ZNF83: variants seen among roughly 807,000 people sequenced by gnomAD.
ZNF83 encodes the protein zinc finger protein 83, also known as zinc finger protein 816B.
For missense variants in ZNF83, 552 were observed against 629.9 expected, an observed-to-expected ratio of 0.88 and a Z score of 1.32; for synonymous variants, 209 against 213.0, an observed-to-expected ratio of 0.98 and a Z score of 0.17.
chr19:52,670,478 G>A (rs1012009348), intron 1 of ZNF83, among the ~76,000 whole-genome samples: 3 of 151,990 alleles, frequency 2.0e-5, no homozygotes, highest in Non-Finnish European at 4.4e-5. Flanking sequence ...TAAGTAAATT[G>A]CCTTTCTGAG....
At chr19:52,618,999 G>C in intron 2 of ZNF83, 11 of 1,592,602 alleles carry the variant, frequency 6.9e-6, no homozygotes, top group Non-Finnish European at 8.6e-6. Flanking sequence ...CTCTGAGCAG[G>C]GTCCAGGCAT....
In ZNF83 at chr19:52,663,323, C is replaced by T. The variant is rs12608657; in HGVS notation, c.-282-2480G>A. Among the ~76,000 whole-genome samples, 250 of 152,096 alleles carry T rather than the reference C, an allele frequency of 1.6e-3. 8 individuals are homozygous for T. The East Asian group carries it at 0.047, about 28-fold the overall frequency. On this transcript the variant is annotated intron_variant, in intron 1 of 5. Transcript: ENST00000594682. The stretch of plus-strand genomic sequence containing the variant: ...TTCAAAATACACACAATTGTGAACC[C>T]CTAGCTATAGGTATTTAAAACACTG...
At chr19:52,625,685 C>T (rs1248900121) in intron 2 of ZNF83, among the ~76,000 whole-genome samples, 1 of 152,180 alleles carries the variant, frequency 6.6e-6, no homozygotes, top group Admixed American at 6.5e-5. Flanking sequence ...TCACTCCATC[C>T]TTGGCTACCT....
In ZNF83 at chr19:52,652,725, G is replaced by A. The variant is rs933423313; in HGVS notation, c.-74+2836C>T. On this transcript the variant is annotated intron_variant, in intron 3 of 5. Transcript: ENST00000594682. ...GGACTTTGTGAGAATCATTACATTTGTAAAGTTTCCCTATACCATGGATTG... is the reference window on the plus strand; with the variant it reads ...GGACTTTGTGAGAATCATTACATTTATAAAGTTTCCCTATACCATGGATTG... 58 of 700,278 alleles carry A rather than the reference G, an allele frequency of 8.3e-5. No homozygotes were observed. The African/African-American group carries it at 9.4e-4, about 11-fold the overall frequency. 43.4% of individuals were successfully genotyped at this position (700,278 alleles called of 1,614,324 possible).
intron 1 of ZNF83, among the ~76,000 whole-genome samples, chr19:52,687,515 ATAAATTT>A (rs2062048311): frequency 1.4e-5 from 1 of 71,640 alleles, no homozygotes; most frequent in East Asian, 2.9e-4. Flanking sequence ...TAAATTATAT[ATAAATTT>A]TATATATAAA....
Position 52,650,172 on chromosome 19 carries a change from A to G in ZNF83, c.-74+5389T>C, listed in dbSNP as rs987353874. 2.0e-5 allele frequency among the ~76,000 whole-genome samples: 3 copies of G among 152,156 alleles called. No homozygotes were observed. In the East Asian group the frequency reaches 5.8e-4, roughly 29 times the overall value. ...AGGAATTTAAAGAATAAGGAAGTCA[A>G]GGGCTCTGTCTTTTCTATCTCCAGT... On this transcript the variant is annotated intron_variant, in intron 3 of 5. Coordinates refer to the ZNF83 transcript ENST00000594682.
At chr19:52,666,742 C>A (rs2061659280) in intron 1 of ZNF83, among the ~76,000 whole-genome samples, 1 of 151,882 alleles carries the variant, frequency 6.6e-6, no homozygotes, top group African/African-American at 2.4e-5. Context: ...ATTAACCCAG[C>A]AGGTTTTCTA....
At chr19:52,663,246 G>A (rs1191921916) in intron 1 of ZNF83, among the ~76,000 whole-genome samples, 1 of 152,142 alleles carries the variant, frequency 6.6e-6, no homozygotes, top group Non-Finnish European at 1.5e-5. Context: ...AGGTCCTGAT[G>A]GCATGAATCC....
chr19:52,658,100 C>T (rs1159713806), intron 2 of ZNF83, among the ~76,000 whole-genome samples: 1 of 149,010 alleles, frequency 6.7e-6, no homozygotes, highest in East Asian at 2.0e-4. Context: ...CATGCCATTG[C>T]ACTCCACCCT....
intron 1 of ZNF83, among the ~76,000 whole-genome samples, chr19:52,676,137 C>T (rs570639138): frequency 0.01 from 1,585 of 152,316 alleles, 28 homozygotes; most frequent in African/African-American, 0.034. Flanking sequence ...CGCGCCGCCA[C>T]GCCTGACTGG....
At chr19:52,663,041 T>TG (rs1278151970) in intron 1 of ZNF83, among the ~76,000 whole-genome samples, 18 of 152,046 alleles carry the variant, frequency 1.2e-4, no homozygotes, top group African/African-American at 4.4e-4. Context: ...TGTGCATCTG[T>TG]GGTCCCAGCT....
intron 2 of ZNF83, among the ~76,000 whole-genome samples, chr19:52,620,234 GTATA>G (rs1409455675): frequency 9.1e-6 from 1 of 109,464 alleles, no homozygotes; most frequent in Non-Finnish European, 2.2e-5. Flanking sequence ...ATGTGTATAT[GTATA>G]TATGTGTGTG....
chr19:52,627,354 A>C (rs2060781878), intron 2 of ZNF83, among the ~76,000 whole-genome samples: 1 of 145,058 alleles, frequency 6.9e-6, no homozygotes, highest in African/African-American at 2.6e-5. Flanking sequence ...GAGGAAGGAG[A>C]GGCATAAAAA....
chr19:52,683,262 G>GTGTGTC (rs2061955306), intron 1 of ZNF83, among the ~76,000 whole-genome samples: 2 of 86,326 alleles, frequency 2.3e-5, no homozygotes, highest in Admixed American at 2.1e-4. Context: ...GTGTGTGTGT[G>GTGTGTC]TGTGTGTGTG....
At chr19:52,682,740 C>A (rs934056091) in intron 1 of ZNF83, among the ~76,000 whole-genome samples, 1 of 152,100 alleles carries the variant, frequency 6.6e-6, no homozygotes, top group Non-Finnish European at 1.5e-5. Flanking sequence ...TGTGGTGACA[C>A]ATGCCTATCC....
intron 1 of ZNF83, among the ~76,000 whole-genome samples, chr19:52,672,245 A>C (rs1212242470): frequency 6.6e-6 from 1 of 152,208 alleles, no homozygotes; most frequent in African/African-American, 2.4e-5. Flanking sequence ...AAAAAATAAA[A>C]ATAAAAATAA....
chr19:52,641,419 A>G (rs867604786), upstream of ZNF83, among the ~76,000 whole-genome samples: 22 of 152,240 alleles, frequency 1.4e-4, no homozygotes, highest in African/African-American at 5.3e-4. Context: ...CTAAAATTAC[A>G]TAGCATGGGT....
chr19:52,644,202 G>C (rs1338887088), intron 3 of ZNF83, among the ~76,000 whole-genome samples: 1 of 150,700 alleles, frequency 6.6e-6, no homozygotes, highest in Non-Finnish European at 1.5e-5. Context: ...TCATTTTTAG[G>C]GTACTGCATC....
At position 52,613,239 on chromosome 19, in the gene ZNF83, T is replaced by C. The variant is rs757039736; in HGVS notation, c.1326A>G (p.Ser442=). The change falls in exon 3 of 3, where the codon TCA becomes TCG. Residue 442 remains serine, a synonymous_variant. Transcript: ENST00000301096. ...GAATTTTCCGATGATGTGCTAGGGA[T>C]GAGTTTAGACCGAAGACCTTCCCAC... is the stretch of plus-strand genomic sequence containing the variant. 5 of 1,613,980 alleles carry C rather than the reference T, an allele frequency of 3.1e-6. No individual in the cohort carries two copies. The South Asian group carries it at 5.5e-5, about 18-fold the overall frequency.
Sources: gnomAD v4.1 joint callset for allele counts (sites outside exome capture counted in the v4.1 genomes callset) on GRCh38, gnomAD v4.1.1 for gene constraint, MANE v1.5 for transcripts, NCBI Gene and HGNC (gene_info 2026-07-23, HGNC 2026-07-21) for gene names.